The following TBC1D14 variants were observed in gnomAD, a reference collection of about 807,000 sequenced individuals.
TBC1D14 encodes TBC1 domain family member 14.
TBC1D14 carries 26 observed loss-of-function variants against 79.0 expected under a neutral mutation model. That is an observed-to-expected ratio of 0.33 (90% CI 0.24 to 0.46). The LOEUF (loss-of-function observed/expected upper bound fraction) is 0.46. Among genes scored for constraint, TBC1D14 ranks in the 20% least tolerant of loss-of-function variants. The pLI is 1.00. For synonymous variants in TBC1D14, 394 were observed against 349.9 expected (o/e 1.13, Z -1.40); for missense variants, 769 against 887.6 (o/e 0.87, Z 1.70).
At chr4:6,935,793 G>A (rs1712261835) in intron 2 of TBC1D14, among the ~76,000 whole-genome samples, 1 of 151,848 alleles carries the variant, frequency 6.6e-6, no homozygotes, top group Non-Finnish European at 1.5e-5. Flanking sequence ...ACAGGCATGT[G>A]CCACCACACC....
chr4:6,988,893 T>C (rs1472486084), intron 3 of TBC1D14, among the ~76,000 whole-genome samples: 1 of 137,312 alleles, frequency 7.3e-6, no homozygotes, highest in East Asian at 2.1e-4. Flanking sequence ...TTCTTTTTTT[T>C]TTTTTTTTTT....
intron 2 of TBC1D14, among the ~76,000 whole-genome samples, chr4:6,960,900 G>A (rs1227207708): frequency 3.3e-5 from 5 of 152,144 alleles, no homozygotes; most frequent in African/African-American, 4.8e-5. Flanking sequence ...GGCCAGAATC[G>A]GTGTCCAACG....
At chr4:7,022,449 G>A (rs553344639) in intron 12 of TBC1D14, among the ~76,000 whole-genome samples, 27 of 152,386 alleles carry the variant, frequency 1.8e-4, no homozygotes, top group Non-Finnish European at 3.5e-4. Flanking sequence ...GAAGGAGGGT[G>A]CGTGCAGTGC....
intron 3 of TBC1D14, among the ~76,000 whole-genome samples, chr4:6,982,197 A>T (rs1717438167): frequency 6.6e-6 from 1 of 152,248 alleles, no homozygotes; most frequent in African/African-American, 2.4e-5. Flanking sequence ...AGCTCTTTTC[A>T]TAATCTTCAA....
chr4:7,013,337 C>G (rs1720956485), intron 11 of TBC1D14, among the ~76,000 whole-genome samples: 1 of 152,224 alleles, frequency 6.6e-6, no homozygotes, highest in Non-Finnish European at 1.5e-5. Flanking sequence ...CCAAATCACT[C>G]CCTTTTGGGA....
At chr4:6,991,018 G>A (rs1718433570) in intron 3 of TBC1D14, among the ~76,000 whole-genome samples, 3 of 152,190 alleles carry the variant, frequency 2.0e-5, no homozygotes. Context: ...GGTTGCCCTG[G>A]GAGAACCGGG....
At chr4:7,020,173 G>A (rs1209357970) in intron 12 of TBC1D14, among the ~76,000 whole-genome samples, 1 of 151,988 alleles carries the variant, frequency 6.6e-6, no homozygotes, top group African/African-American at 2.4e-5. Flanking sequence ...AGGTGGGTAT[G>A]TGAACCCCAC....
intron 2 of TBC1D14, among the ~76,000 whole-genome samples, chr4:6,962,595 A>G (rs1475069827): frequency 6.6e-6 from 1 of 151,980 alleles, no homozygotes; most frequent in African/African-American, 2.4e-5. Context: ...TGCAAAACAA[A>G]AGGAGTCCAG....
At chr4:6,956,185 C>G (rs577057688) in intron 2 of TBC1D14, among the ~76,000 whole-genome samples, 1 of 152,244 alleles carries the variant, frequency 6.6e-6, no homozygotes, top group East Asian at 1.9e-4. Context: ...GAGAATTCCC[C>G]AAACTGTGTA....
chr4:6,953,629 CA>C (rs750667631), intron 2 of TBC1D14, among the ~76,000 whole-genome samples: 46 of 55,044 alleles, frequency 8.4e-4, no homozygotes, highest in East Asian at 5.0e-3. Context: ...GACTCCGTCT[CA>C]AAAAAAAAAA....
chr4:7,029,160 T>C (rs1722785082), intron 13 of TBC1D14, among the ~76,000 whole-genome samples: 1 of 152,240 alleles, frequency 6.6e-6, no homozygotes, highest in Non-Finnish European at 1.5e-5. Flanking sequence ...TCAAAATGAC[T>C]AAATGTTTAT....
intron 3 of TBC1D14, among the ~76,000 whole-genome samples, chr4:6,987,881 G>A (rs1390382772): frequency 1.3e-5 from 2 of 152,202 alleles, no homozygotes; most frequent in Non-Finnish European, 2.9e-5. Flanking sequence ...TGATGCTCTG[G>A]GAGGAATATG....
At chr4:6,934,276 G>A (rs1412021090) in intron 2 of TBC1D14, among the ~76,000 whole-genome samples, 2 of 152,044 alleles carry the variant, frequency 1.3e-5, no homozygotes, top group African/African-American at 2.4e-5. Flanking sequence ...AAGCGAGAAG[G>A]CAGGGCTGGT....
chr4:6,951,767 TCTTC>T (rs1714065947), intron 2 of TBC1D14, among the ~76,000 whole-genome samples: 1 of 152,252 alleles, frequency 6.6e-6, no homozygotes, highest in Non-Finnish European at 1.5e-5. Flanking sequence ...TGAGTGTATT[TCTTC>T]CTTAATGTTT....
chr4:6,923,637 C>T lies in TBC1D14; in HGVS notation c.248C>T (p.Ala83Val), dbSNP rs756133689. The change falls in exon 2 of 14, where the codon GCG becomes GTG. Residue 83 changes from alanine to valine, a missense_variant. Around this residue, in one of 2 missense-constraint regions of TBC1D14, gnomAD observed 402 missense variants for 393.2 expected, o/e 1.02. Transcript: ENST00000409757. ...IGNPEPVPCS[A>V]VHVRRKQSDS... ...AACCCGGAGCCTGTACCCTGCAGCGCGGTCCACGTGAGGAGGAAGCAGTCC... is the reference window on the plus strand; with the variant it reads ...AACCCGGAGCCTGTACCCTGCAGCGTGGTCCACGTGAGGAGGAAGCAGTCC... 2.2e-5 allele frequency: 35 copies of T among 1,613,842 alleles called. No homozygotes were observed. The highest frequency in any genetic ancestry group is 5.3e-5 in the African/African-American group (4 of 74,956).
At chr4:6,964,405 G>A (rs1715519306) in intron 2 of TBC1D14, among the ~76,000 whole-genome samples, 1 of 152,152 alleles carries the variant, frequency 6.6e-6, no homozygotes, top group African/African-American at 2.4e-5. Flanking sequence ...GGATCCTGGT[G>A]CCTTCCCCTT....
intron 3 of TBC1D14, among the ~76,000 whole-genome samples, chr4:6,985,685 C>T (rs6851488): frequency 0.12 from 17,453 of 143,462 alleles, 1,516 homozygotes; most frequent in African/African-American, 0.25. Flanking sequence ...AATGGAGTAA[C>T]AAATAGCACA....
intron 1 of TBC1D14, among the ~76,000 whole-genome samples, chr4:6,919,777 T>A (rs552537259): frequency 6.6e-6 from 1 of 152,038 alleles, no homozygotes; most frequent in Non-Finnish European, 1.5e-5. Flanking sequence ...TGCGCCACCA[T>A]GCCCAGCTAA....
At chr4:6,981,873 C>T (rs1407250806) in intron 3 of TBC1D14, among the ~76,000 whole-genome samples, 1 of 152,200 alleles carries the variant, frequency 6.6e-6, no homozygotes, top group Non-Finnish European at 1.5e-5. Flanking sequence ...ACTTCCCCCA[C>T]CTGATAAAGA....
Sources: gnomAD v4.1 joint callset for allele counts (sites outside exome capture counted in the v4.1 genomes callset) on GRCh38, gnomAD v4.1.1 for gene constraint, gnomAD v4.1.1 regional missense constraint, MANE v1.5 for transcripts, NCBI Gene and HGNC (gene_info 2026-07-23, HGNC 2026-07-21) for gene names.